LIPA: variants seen among roughly 807,000 people sequenced by gnomAD.
LIPA encodes the protein lysosomal acid lipase/cholesteryl ester hydrolase.
LIPA carries 26 observed loss-of-function variants against 40.6 expected under a neutral mutation model. The observed-to-expected ratio is 0.64, with a 90% CI of 0.47 to 0.89. The LOEUF (loss-of-function observed/expected upper bound fraction) is 0.89. Among genes scored for constraint, LIPA ranks in the 40% least tolerant of loss-of-function variants. LIPA has a pLI of 0.00. For missense variants in LIPA, 455 were observed against 479.6 expected (o/e 0.95, Z 0.48); for synonymous variants, 188 against 168.4 (o/e 1.12, Z -0.90).
At chr10:89,328,027 A>G in intron 1 of LIPA, 1 of 1,612,612 alleles carries the variant, frequency 6.2e-7, no homozygotes, top group Non-Finnish European at 8.5e-7. Flanking sequence ...AGAACAAATC[A>G]GCCTGGTCAC....
chr10:89,361,027 C>T (rs1214381046), intron 2 of LIPA, among the ~76,000 whole-genome samples: 1 of 152,128 alleles, frequency 6.6e-6, no homozygotes, highest in Non-Finnish European at 1.5e-5. Flanking sequence ...ATTTCCTCTC[C>T]TTATGAGGAC....
intron 2 of LIPA, among the ~76,000 whole-genome samples, chr10:89,379,250 C>T (rs1245814863): frequency 6.6e-6 from 1 of 152,164 alleles, no homozygotes; most frequent in Non-Finnish European, 1.5e-5. Context: ...CCCTGACTAG[C>T]AACATCAGCA....
chr10:89,410,853 A>G (rs901968315), intron 2 of LIPA, among the ~76,000 whole-genome samples: 1 of 152,362 alleles, frequency 6.6e-6, no homozygotes, highest in Middle Eastern at 3.4e-3. Context: ...ACAGCAGCAT[A>G]AGCCACTGGC....
At chr10:89,373,276 A>G (rs1434348046) in intron 2 of LIPA, among the ~76,000 whole-genome samples, 1 of 147,372 alleles carries the variant, frequency 6.8e-6, no homozygotes, top group Non-Finnish European at 1.5e-5. Flanking sequence ...CAGAGCTTAC[A>G]GTGAGCCAAG....
At chr10:89,234,254 A>C (rs576562405) in intron 3 of LIPA, among the ~76,000 whole-genome samples, 1 of 152,356 alleles carries the variant, frequency 6.6e-6, no homozygotes, top group East Asian at 1.9e-4. Context: ...TCTGACGCGC[A>C]GCCAGGCTGG....
rs566229901 is a variant in LIPA at position 89,391,561 on chromosome 10, C to T, written c.61+21230G>A. ...TTATTTATTTTTTTAGACGGAGTCT[C>T]GCTCTGTCACCAGACTGGAGTACAG... is the stretch of plus-strand genomic sequence containing the variant. On this transcript the variant is annotated intron_variant, in intron 2 of 8. Transcript: ENST00000371837. Among the ~76,000 whole-genome samples the T allele has an allele frequency of 3.9e-4, 60 of 152,070 alleles. 1 individual carries two copies. In the South Asian group the frequency reaches 5.4e-3, roughly 14 times the overall value.
At chr10:89,312,298 G>A (rs1843520878) in intron 1 of LIPA, among the ~76,000 whole-genome samples, 1 of 151,920 alleles carries the variant, frequency 6.6e-6, no homozygotes, top group Non-Finnish European at 1.5e-5. Flanking sequence ...AAACTTAGCT[G>A]GGCTTGGTGG....
intron 1 of LIPA, among the ~76,000 whole-genome samples, chr10:89,329,364 T>A (rs368475036): frequency 6.6e-6 from 1 of 151,782 alleles, no homozygotes; most frequent in East Asian, 1.9e-4. Context: ...GTGAGTGGGA[T>A]TGACCAGAGA....
At chr10:89,316,317 C>T (rs1429830357) in intron 1 of LIPA, among the ~76,000 whole-genome samples, 2 of 152,200 alleles carry the variant, frequency 1.3e-5, no homozygotes, top group African/African-American at 4.8e-5. Context: ...CCTTTCCTAG[C>T]CAAGGGAAGC....
chr10:89,222,704 T>G (rs1448905851), intron 7 of LIPA, 122 bp from the exon 8 acceptor site: 1 of 725,820 alleles, frequency 1.4e-6, no homozygotes, highest in East Asian at 2.6e-5. Flanking sequence ...GTATGTGAGA[T>G]GAGAGGTAGA....
chr10:89,302,900 C>A (rs780019723), intron 1 of LIPA, among the ~76,000 whole-genome samples: 11 of 152,056 alleles, frequency 7.2e-5, no homozygotes, highest in Non-Finnish European at 1.6e-4. Flanking sequence ...GTGTTACCAA[C>A]CCCTGTGCTT....
chr10:89,284,323 G>T (rs2133500301), intron 1 of LIPA: 1 of 152,304 alleles, frequency 6.6e-6, no homozygotes, highest in East Asian at 1.9e-4. Context: ...TAGAGGCAGG[G>T]TTTCTCTGTG....
At chr10:89,224,174 C>T (rs1227381402) in intron 6 of LIPA, among the ~76,000 whole-genome samples, 1 of 152,248 alleles carries the variant, frequency 6.6e-6, no homozygotes, top group East Asian at 1.9e-4. Context: ...TCGGTGGTTA[C>T]TTCTAAGAAA....
chr10:89,250,045 T>C (rs1395420922), intron 1 of LIPA, among the ~76,000 whole-genome samples: 1 of 152,034 alleles, frequency 6.6e-6, no homozygotes, highest in Non-Finnish European at 1.5e-5. Context: ...TTCCAAGAAG[T>C]AGTGAACTCT....
chr10:89,358,429 A>G (rs1844001196), intron 2 of LIPA, among the ~76,000 whole-genome samples: 1 of 152,216 alleles, frequency 6.6e-6, no homozygotes, highest in African/African-American at 2.4e-5. Context: ...TGCTGGATAT[A>G]TATTTTTAAA....
At chr10:89,360,687 G>C (rs1317201784) in intron 2 of LIPA, among the ~76,000 whole-genome samples, 1 of 152,186 alleles carries the variant, frequency 6.6e-6, no homozygotes. Context: ...ACTGCACCTG[G>C]CTCGTTCCCC....
chr10:89,291,348 A>G (rs751258258), intron 1 of LIPA, among the ~76,000 whole-genome samples: 1 of 151,878 alleles, frequency 6.6e-6, no homozygotes, highest in Non-Finnish European at 1.5e-5. Flanking sequence ...AGACATAGCA[A>G]CCCCCTTCCC....
At chr10:89,231,279 T>C (rs1158459247) in intron 3 of LIPA, among the ~76,000 whole-genome samples, 2 of 152,162 alleles carry the variant, frequency 1.3e-5, no homozygotes, top group African/African-American at 4.8e-5. Flanking sequence ...TGTCCTAATA[T>C]AGATTTGATA....
At chr10:89,272,715 A>C (rs1843271779) in intron 1 of LIPA, among the ~76,000 whole-genome samples, 1 of 152,242 alleles carries the variant, frequency 6.6e-6, no homozygotes, top group South Asian at 2.1e-4. Flanking sequence ...TCCCACCAAC[A>C]GTGTAAAAGT....
Sources: gnomAD v4.1 joint callset for allele counts (sites outside exome capture counted in the v4.1 genomes callset) on GRCh38, gnomAD v4.1.1 for gene constraint, MANE v1.5 for transcripts, NCBI Gene and HGNC (gene_info 2026-07-23, HGNC 2026-07-21) for gene names.